The following OTOG variants were observed in gnomAD, a reference collection of about 807,000 sequenced individuals.
OTOG encodes otogelin.
A neutral mutation model predicts 313.8 loss-of-function variants in OTOG; 296 were observed. That is an observed-to-expected ratio of 0.94 (90% CI 0.86 to 1.04). OTOG has a LOEUF of 1.04. Among genes scored for constraint, OTOG ranks in the 50% least tolerant of loss-of-function variants. OTOG has a pLI of 0.00. For synonymous variants in OTOG, 1,533 were observed against 1,554.9 expected (o/e 0.99, Z 0.33); for missense variants, 3,948 against 3,840.1 (o/e 1.03, Z -0.74).
Position 17,569,204 on chromosome 11 carries a change from G to A in OTOG, c.1693G>A (p.Asp565Asn). ...VQSVSVILHQDPRRQVTLTQA... is the reference protein window; with the variant it reads ...VQSVSVILHQNPRRQVTLTQA... ...GTCAGTGTCAGTGATTCTGCACCAG[G>A]ACCCTCGGAGGCAGGTGACCCTGAC... is the stretch of plus-strand genomic sequence containing the variant. The change falls in exon 16 of 56, where the codon GAC becomes AAC. Residue 565 changes from aspartate (D) to asparagine (N), a missense_variant. Transcript: ENST00000399397. 2 of 1,550,626 alleles carry A rather than the reference G, an allele frequency of 1.3e-6. No homozygotes were observed. The highest frequency in any genetic ancestry group is 1.7e-6 in the Non-Finnish European group (2 of 1,147,022).
At position 17,591,577 on chromosome 11, in the gene OTOG, C is replaced by T; in HGVS notation, c.2995C>T (p.His999Tyr). The T allele has an allele frequency of 6.4e-7, 1 of 1,550,634 alleles. No individual in the cohort carries two copies. Among genetic ancestry groups the T allele is most frequent in the Non-Finnish European group, 8.7e-7 (1 of 1,147,024 alleles). Reference protein sequence around the residue: ...PFDFVGACKVHLVKSTSDVSF... With the variant: ...PFDFVGACKVYLVKSTSDVSF... ...TGACTTCGTGGGGGCATGCAAAGTG[C>T]ACCTGGTCAAGGTGAGTTCCCGGAT... The change falls in exon 25 of 56, where the codon CAC becomes TAC. Residue 999 changes from histidine to tyrosine, a missense_variant. Coordinates refer to ENST00000399397, the MANE Select transcript of OTOG (RefSeq NM_001292063.2).
chr11:17,599,586 G>C, intron 30 of OTOG, 85 bp from the exon 31 acceptor site: 5 of 1,453,458 alleles, frequency 3.4e-6, no homozygotes, highest in Non-Finnish European at 4.7e-6. Flanking sequence ...AAGAAGGGAG[G>C]CTGGGATGCT....
chr11:17,600,603 G>A (rs1853225540), intron 31 of OTOG, among the ~76,000 whole-genome samples: 1 of 152,210 alleles, frequency 6.6e-6, no homozygotes, highest in Admixed American at 6.5e-5. Context: ...GGACCAGGGT[G>A]TAGCATGAGC....
intron 3 of OTOG, among the ~76,000 whole-genome samples, chr11:17,551,672 T>C (rs1207548589): frequency 6.6e-6 from 1 of 151,990 alleles, no homozygotes; most frequent in East Asian, 1.9e-4. Context: ...AAGGGTTTAC[T>C]GGGAGAGAGG....
At chr11:17,598,640 G>T (rs1010687353) in intron 30 of OTOG, among the ~76,000 whole-genome samples, 1 of 152,154 alleles carries the variant, frequency 6.6e-6, no homozygotes, top group Non-Finnish European at 1.5e-5. Context: ...TAAGTAATTT[G>T]GTCCAGTATG....
chr11:17,610,121 G>C lies in OTOG; in HGVS notation c.4821G>C (p.Ser1607=), dbSNP rs369768224. Residue 1607 remains serine, a synonymous_variant, in exon 36 of 56, where the codon TCG becomes TCC. Coordinates refer to ENST00000399397, the MANE Select transcript of OTOG (RefSeq NM_001292063.2). Reference sequence around the variant, plus strand: ...CTAACATCACAGTCTCCTCCCGGTCGCCCCCTGCCCCTCGCTTCCCGCTCA... The same window carrying C: ...CTAACATCACAGTCTCCTCCCGGTCCCCCCCTGCCCCTCGCTTCCCGCTCA... ...GSPNITVSSR[S]PPAPRFPLMT... 7.1e-6 allele frequency: 11 copies of C among 1,550,498 alleles called. No homozygotes were observed. The East Asian group carries it at 2.0e-4, about 28-fold the overall frequency.
intron 23 of OTOG, among the ~76,000 whole-genome samples, chr11:17,579,380 C>T (rs1228158068): frequency 6.6e-6 from 1 of 152,112 alleles, no homozygotes; most frequent in African/African-American, 2.4e-5. Flanking sequence ...TCAGAGCATC[C>T]ATGGCAGAGA....
Position 17,612,720 on chromosome 11 carries a change from T to G in OTOG, c.6393T>G (p.Asp2131Glu). 1 of 1,550,556 alleles carries G rather than the reference T, an allele frequency of 6.4e-7. No individual in the cohort carries two copies. The highest frequency in any genetic ancestry group is 8.7e-7 in the Non-Finnish European group (1 of 1,146,942). Residue 2131 changes from aspartate to glutamate, a missense_variant, in exon 38 of 56, where the codon GAT (aspartate) becomes GAG (glutamate). Coordinates refer to ENST00000399397, the MANE Select transcript of OTOG (RefSeq NM_001292063.2). ...EAIYILSQSP[D>E]EMLTVHVLDC... ...TCTACATCCTCAGCCAGAGCCCAGA[T>G]GAAATGCTCACCGTCCATGTACTGG...
chr11:17,632,367 T>C, intron 42 of OTOG, 141 bp downstream of exon 42: 1 of 681,952 alleles, frequency 1.5e-6, no homozygotes, highest in Non-Finnish European at 2.0e-6. Flanking sequence ...TTAGTAAATT[T>C]ATAAATATTT....
Position 17,645,952 on chromosome 11 carries a change from G to A in OTOG, c.*8G>A, listed in dbSNP as rs1394285441. ...GCCTGCCAGTGGTCCTGAGGCCTGG[G>A]GGCCCGGGCTAGCTGGACCACCTCT... On this transcript the variant is annotated 3_prime_UTR_variant, in exon 56 of 56. Coordinates refer to ENST00000399397, the MANE Select transcript of OTOG (RefSeq NM_001292063.2). 3.2e-6 allele frequency: 5 copies of A among 1,547,840 alleles called. No homozygotes were observed. Among genetic ancestry groups the A allele is most frequent in the African/African-American group, 2.7e-5 (2 of 73,052 alleles).
At chr11:17,558,703 A>G in intron 10 of OTOG, 59 bp downstream of exon 10, 2 of 1,475,272 alleles carry the variant, frequency 1.4e-6, no homozygotes, top group Non-Finnish European at 1.8e-6. Flanking sequence ...AGTGCTCAGC[A>G]CACGGGCCAT....
chr11:17,548,009 C>T (rs1049768362), intron 2 of OTOG, 22 bp downstream of exon 2: 47 of 868,610 alleles, frequency 5.4e-5, no homozygotes, highest in Non-Finnish European at 7.5e-5. Context: ...TGAGCTGTGG[C>T]GGCCCCACCC....
At position 17,558,649 on chromosome 11, in the gene OTOG, G is replaced by A. The variant is rs1852108318; in HGVS notation, c.1103+5G>A. The A allele has an allele frequency of 6.5e-7, 1 of 1,548,732 alleles. No homozygotes were observed. On this transcript the variant is annotated splice_donor_5th_base_variant and intron_variant, in intron 10 of 55. Coordinates refer to ENST00000399397, the MANE Select transcript of OTOG (RefSeq NM_001292063.2). ...TTGTACCAGTGATCTCTGCCAGTGA[G>A]TAGGGGTGGTGTGGGCTATGGGGAA... is the stretch of plus-strand genomic sequence containing the variant.
chr11:17,637,845 C>T (rs978927730), intron 47 of OTOG, among the ~76,000 whole-genome samples: 6 of 152,198 alleles, frequency 3.9e-5, no homozygotes, highest in Non-Finnish European at 8.8e-5. Context: ...TCAAGTAACT[C>T]TTACAGTTTT....
At position 17,574,760 on chromosome 11, in the gene OTOG, G is replaced by A. The variant is rs1376688712; in HGVS notation, c.2334G>A (p.Val778=). 5 of 1,550,566 alleles carry A rather than the reference G, an allele frequency of 3.2e-6. No individual in the cohort carries two copies. The highest frequency in any genetic ancestry group is 2.4e-5 in the South Asian group (2 of 84,066). The change falls in exon 20 of 56, where the codon GTG becomes GTA. Residue 778 remains valine, a synonymous_variant. Transcript: ENST00000399397. ...CEASKEYSPC[V]APCGRTCQDL... is the part of the protein sequence containing the mutation. ...CCTCCAAGGAGTATAGCCCCTGCGTGGCCCCGTGTGGACGTACCTGCCAGG... is the reference window on the plus strand; with the variant it reads ...CCTCCAAGGAGTATAGCCCCTGCGTAGCCCCGTGTGGACGTACCTGCCAGG...
rs775991894 is a variant in OTOG at position 17,573,235 on chromosome 11, C to A, written c.2238C>A (p.His746Gln). ...CLCATLAHYAHLCRRHGLPVD... is the reference protein window; with the variant it reads ...CLCATLAHYAQLCRRHGLPVD... ...GCGCCACACTGGCCCACTACGCCCA[C>A]CTGTGCCGGCGCCATGGGCTCCCCG... The change falls in exon 19 of 56, where the codon CAC becomes CAA. Residue 746 changes from histidine (H) to glutamine (Q), a missense_variant. Coordinates refer to ENST00000399397, the MANE Select transcript of OTOG (RefSeq NM_001292063.2). 2.0e-5 allele frequency: 31 copies of A among 1,534,718 alleles called. No homozygotes were observed. The East Asian group carries it at 4.4e-4, about 22-fold the overall frequency.
rs1440468013 is a variant in OTOG at position 17,635,699 on chromosome 11, C to G, written c.7783C>G (p.Leu2595Val). 1 of 1,550,366 alleles carries G rather than the reference C, an allele frequency of 6.5e-7. No individual in the cohort carries two copies. Among genetic ancestry groups the G allele is most frequent in the East Asian group, 2.4e-5 (1 of 40,940 alleles). The change falls in exon 47 of 56, where the codon CTG becomes GTG. Residue 2595 changes from leucine to valine, a missense_variant. By Grantham distance (32) the Leu-to-Val change is conservative. Coordinates refer to ENST00000399397, the MANE Select transcript of OTOG (RefSeq NM_001292063.2). ...HRNTTELCCP[L>V]YQCVCENFRC... ...GAATACCACGGAACTCTGCTGCCCT[C>G]TGTACCAGTGTGGTGAGTCCTGGCT...
chr11:17,626,469 C>A (rs1437657915), intron 39 of OTOG, among the ~76,000 whole-genome samples: 1 of 152,192 alleles, frequency 6.6e-6, no homozygotes, highest in African/African-American at 2.4e-5. Flanking sequence ...AGCCACTGCA[C>A]CCAGCCTATA....
At chr11:17,636,377 A>G (rs992001991) in intron 47 of OTOG, among the ~76,000 whole-genome samples, 15 of 152,322 alleles carry the variant, frequency 9.8e-5, no homozygotes, top group African/African-American at 3.6e-4. Flanking sequence ...AAAATGAACA[A>G]AATGGTTCTA....
Sources: gnomAD v4.1 joint callset for allele counts (sites outside exome capture counted in the v4.1 genomes callset) on GRCh38, gnomAD v4.1.1 for gene constraint, MANE v1.5 for transcripts, NCBI Gene and HGNC (gene_info 2026-07-23, HGNC 2026-07-21) for gene names.